JMY: variants seen among roughly 807,000 people sequenced by gnomAD.
JMY encodes junction mediating and regulatory protein, p53 cofactor.
A neutral mutation model predicts 103.3 loss-of-function variants in JMY; 46 were observed. That is an observed-to-expected ratio of 0.45 (90% CI 0.35 to 0.57). The LOEUF is 0.57. Among genes scored for constraint, JMY ranks in the 20% least tolerant of loss-of-function variants. The pLI is 0.00. For missense variants in JMY, 1,238 were observed against 1,255.2 expected, an observed-to-expected ratio of 0.99 and a Z score of 0.21; for synonymous variants, 526 against 489.3, an observed-to-expected ratio of 1.07 and a Z score of -0.99.
chr5:79,269,443 T>C lies in JMY; in HGVS notation c.1033-8467T>C, dbSNP rs1350111691. On this transcript the variant is annotated intron_variant, in intron 1 of 10. Transcript: ENST00000396137. ...TGAGTCTTTTCACCTCTGTATAAAC[T>C]TTAGAATTTATTTTTTGATACCCAC... 3.3e-5 allele frequency among the ~76,000 whole-genome samples: 5 copies of C among 152,212 alleles called. No homozygotes were observed. In the East Asian group the frequency reaches 9.6e-4, roughly 29 times the overall value.
intron 7 of JMY, 27 bp downstream of exon 7, chr5:79,306,488 C>CA (rs748464970): frequency 6.6e-7 from 1 of 1,505,834 alleles, no homozygotes; most frequent in Non-Finnish European, 9.2e-7. Context: ...AGATTTTGAA[C>CA]AAAACTTAAT....
chr5:79,272,434 T>G (rs1745812435), intron 1 of JMY, among the ~76,000 whole-genome samples: 1 of 151,172 alleles, frequency 6.6e-6, no homozygotes, highest in African/African-American at 2.4e-5. Flanking sequence ...CTTTTTTTTC[T>G]TTTCTTTTTT....
chr5:79,264,803 T>C (rs1226649349), intron 1 of JMY, among the ~76,000 whole-genome samples: 1 of 152,198 alleles, frequency 6.6e-6, no homozygotes, highest in Non-Finnish European at 1.5e-5. Flanking sequence ...AACTGAACCA[T>C]AAGAAATGAG....
At chr5:79,290,402 A>G (rs955690946) in intron 3 of JMY, 131 bp downstream of exon 3, 3 of 462,314 alleles carry the variant, frequency 6.5e-6, no homozygotes, top group African/African-American at 4.0e-5. Flanking sequence ...GAAAACCACT[A>G]TTAGCAAATT....
intron 6 of JMY, among the ~76,000 whole-genome samples, chr5:79,303,643 G>C (rs968624747): frequency 5.9e-5 from 9 of 152,124 alleles, no homozygotes; most frequent in Non-Finnish European, 1.2e-4. Context: ...AGAAGAACGG[G>C]ATCAAAGAGA....
chr5:79,300,365 T>TGA, intron 5 of JMY, 47 bp downstream of exon 5: 1 of 1,449,934 alleles, frequency 6.9e-7, no homozygotes, highest in Non-Finnish European at 9.2e-7. Flanking sequence ...ATTGAATACA[T>TGA]GAGAAAATAC....
chr5:79,261,563 A>C (rs1294175029), intron 1 of JMY, among the ~76,000 whole-genome samples: 3 of 152,118 alleles, frequency 2.0e-5, no homozygotes, highest in Non-Finnish European at 4.4e-5. Flanking sequence ...TCTCTAAAAA[A>C]ATAAAGTGCA....
intron 4 of JMY, among the ~76,000 whole-genome samples, chr5:79,296,805 C>T (rs987376871): frequency 6.6e-6 from 1 of 152,182 alleles, no homozygotes; most frequent in African/African-American, 2.4e-5. Context: ...TTTTCTAGCA[C>T]AGTAGGGTAA....
intron 7 of JMY, among the ~76,000 whole-genome samples, chr5:79,310,994 C>T (rs957170152): frequency 2.6e-5 from 4 of 152,038 alleles, no homozygotes; most frequent in Non-Finnish European, 5.9e-5. Context: ...GGCATGGTGG[C>T]GTATGCTTGT....
In JMY at chr5:79,247,336, T is replaced by C. The variant is rs943950538; in HGVS notation, c.1032+9654T>C. Reference sequence around the variant, plus strand: ...TTTATTTTTTGAGATGGAGTCTCACTCTGTCACCCAGGCTGGAGTGTGGTG... The same window carrying C: ...TTTATTTTTTGAGATGGAGTCTCACCCTGTCACCCAGGCTGGAGTGTGGTG... On this transcript the variant is annotated intron_variant, in intron 1 of 10. Transcript: ENST00000396137. 9.9e-5 allele frequency among the ~76,000 whole-genome samples: 15 copies of C among 152,166 alleles called. No homozygotes were observed. The East Asian group carries it at 2.7e-3, about 27-fold the overall frequency.
At chr5:79,303,351 CTG>C (rs1285079729) in intron 6 of JMY, among the ~76,000 whole-genome samples, 3 of 152,140 alleles carry the variant, frequency 2.0e-5, no homozygotes, top group Non-Finnish European at 4.4e-5. Context: ...GTGTGAGCCA[CTG>C]TGCCCAGCCT....
chr5:79,316,831 A>G (rs1747240268), intron 10 of JMY, among the ~76,000 whole-genome samples: 1 of 145,710 alleles, frequency 6.9e-6, no homozygotes, highest in Admixed American at 7.1e-5. Context: ...ACTTGAACCC[A>G]GGAGGCGGAG....
At chr5:79,278,148 G>A (rs752308042) in intron 2 of JMY, 65 bp downstream of exon 2, 122 of 1,132,788 alleles carry the variant, frequency 1.1e-4, no homozygotes, top group African/African-American at 1.0e-3. Flanking sequence ...GAAAGGCCAT[G>A]CGTTATCCAC....
At chr5:79,258,375 C>A (rs533042972) in intron 1 of JMY, among the ~76,000 whole-genome samples, 1 of 142,220 alleles carries the variant, frequency 7.0e-6, no homozygotes, top group South Asian at 2.3e-4. Context: ...TTACGGGATC[C>A]TTGGGGTGTC....
Position 79,323,551 on chromosome 5 carries a change from C to T in JMY, c.*1949C>T, listed in dbSNP as rs1014991190. On this transcript the variant is annotated 3_prime_UTR_variant, in exon 11 of 11. Transcript: ENST00000396137. The stretch of plus-strand genomic sequence containing the variant: ...TGCAAACCTTTACAAAATCATGTAT[C>T]AATTTTATGCTATCCAGTTTTTACG... 3 of 152,150 alleles carry T rather than the reference C, an allele frequency of 2.0e-5. No homozygotes were observed. Among genetic ancestry groups the T allele is most frequent in the Non-Finnish European group, 4.4e-5 (3 of 68,018 alleles). 9.4% of individuals were successfully genotyped at this position (152,150 alleles called of 1,614,324 possible).
At chr5:79,276,156 T>G (rs188421978) in intron 1 of JMY, among the ~76,000 whole-genome samples, 91 of 152,324 alleles carry the variant, frequency 6.0e-4, no homozygotes, top group African/African-American at 2.1e-3. Flanking sequence ...TCTCACTCTG[T>G]CACCCAGGCT....
At chr5:79,281,260 G>T (rs1468170820) in intron 2 of JMY, among the ~76,000 whole-genome samples, 1 of 151,346 alleles carries the variant, frequency 6.6e-6, no homozygotes, top group Non-Finnish European at 1.5e-5. Context: ...TGGCCAGGAT[G>T]GTCTCGATCT....
chr5:79,254,463 T>C (rs1184796615), intron 1 of JMY, among the ~76,000 whole-genome samples: 1 of 152,236 alleles, frequency 6.6e-6, no homozygotes, highest in African/African-American at 2.4e-5. Flanking sequence ...CAGCACTTTA[T>C]GTCATGCCGC....
chr5:79,287,526 G>A (rs1746303055), intron 2 of JMY, among the ~76,000 whole-genome samples: 2 of 152,174 alleles, frequency 1.3e-5, no homozygotes, highest in South Asian at 4.1e-4. Context: ...TGCACTTGTA[G>A]TGTCAGCTTG....
Sources: gnomAD v4.1 joint callset for allele counts (sites outside exome capture counted in the v4.1 genomes callset) on GRCh38, gnomAD v4.1.1 for gene constraint, MANE v1.5 for transcripts, NCBI Gene and HGNC (gene_info 2026-07-23, HGNC 2026-07-21) for gene names.